CSGALNACT1: variants seen among roughly 807,000 people sequenced by gnomAD.
The protein encoded by CSGALNACT1 is beta4GalNAcT-1.
Under a neutral mutation model 51.0 loss-of-function variants are expected in CSGALNACT1, and 52 were observed. That is an observed-to-expected ratio of 1.02 (90% confidence interval 0.82 to 1.29). The LOEUF (loss-of-function observed/expected upper bound fraction) is 1.29. Among genes scored for constraint, CSGALNACT1 ranks in the 50% most tolerant of loss-of-function variants. The pLI, the probability that CSGALNACT1 is intolerant of heterozygous loss-of-function variation, is 0.00. For missense variants in CSGALNACT1, 935 were observed against 679.2 expected, an observed-to-expected ratio of 1.38 and a Z score of -4.19; for synonymous variants, 341 against 254.4, an observed-to-expected ratio of 1.34 and a Z score of -3.24.
chr8:19,651,241 G>GT (rs1012950725), intron 1 of CSGALNACT1, among the ~76,000 whole-genome samples: 9 of 151,882 alleles, frequency 5.9e-5, no homozygotes, highest in Middle Eastern at 3.4e-3. Flanking sequence ...TACCTTTCCT[G>GT]TTTTTTTTCA....
At chr8:19,564,883 G>T (rs2975450) in intron 3 of CSGALNACT1, among the ~76,000 whole-genome samples, 1 of 152,148 alleles carries the variant, frequency 6.6e-6, no homozygotes, top group Admixed American at 6.5e-5. Context: ...CAAGCTCCTA[G>T]AACAGTGCCA....
At chr8:19,413,701 T>C (rs2056334262) in intron 8 of CSGALNACT1, among the ~76,000 whole-genome samples, 2 of 152,194 alleles carry the variant, frequency 1.3e-5, no homozygotes, top group Non-Finnish European at 2.9e-5. Flanking sequence ...CAGCATGCTA[T>C]GCACACACTG....
At chr8:19,532,513 C>T (rs2082968264) in intron 3 of CSGALNACT1, among the ~76,000 whole-genome samples, 1 of 152,176 alleles carries the variant, frequency 6.6e-6, no homozygotes, top group Admixed American at 6.5e-5. Flanking sequence ...CCAGTCTTCC[C>T]ACTCCAAATC....
intron 6 of CSGALNACT1, among the ~76,000 whole-genome samples, chr8:19,437,244 G>A (rs1218750350): frequency 2.0e-5 from 3 of 152,104 alleles, no homozygotes; most frequent in African/African-American, 7.2e-5. Flanking sequence ...GGGGGTTGAG[G>A]TTTGAATTAA....
At chr8:19,658,394 T>G (rs180870151) in intron 1 of CSGALNACT1, among the ~76,000 whole-genome samples, 3 of 152,280 alleles carry the variant, frequency 2.0e-5, no homozygotes, top group African/African-American at 7.2e-5. Context: ...TTAACTATGT[T>G]TCAAGATAAT....
intron 1 of CSGALNACT1, among the ~76,000 whole-genome samples, chr8:19,738,090 A>T (rs959125313): frequency 1.3e-5 from 2 of 152,220 alleles, no homozygotes; most frequent in Non-Finnish European, 2.9e-5. Context: ...GCCAGGCGCC[A>T]TGGTTTGCAC....
chr8:19,741,679 T>C (rs1397678072), intron 1 of CSGALNACT1, among the ~76,000 whole-genome samples: 2 of 152,220 alleles, frequency 1.3e-5, no homozygotes, highest in Non-Finnish European at 1.5e-5. Context: ...TAAAGGCTTC[T>C]GAATTCTTTT....
At chr8:19,505,466 G>A (rs1428443209) in exon 4 of CSGALNACT1, 2 of 1,614,200 alleles carry the variant, frequency 1.2e-6, no homozygotes, top group Non-Finnish European at 1.7e-6. Context: ...GCGAGTGCAG[G>A]AAGGCCAGGA....
At chr8:19,465,763 T>C (rs1389298891) in intron 4 of CSGALNACT1, among the ~76,000 whole-genome samples, 2 of 152,174 alleles carry the variant, frequency 1.3e-5, no homozygotes, top group Non-Finnish European at 2.9e-5. Context: ...CTGTCCAGGC[T>C]TACCATTTCA....
At position 19,505,457 on chromosome 8, in the gene CSGALNACT1, C is replaced by T. The variant is rs559889647; in HGVS notation, c.378G>A (p.Ser126=). The T allele has an allele frequency of 1.2e-5, 19 of 1,614,194 alleles. No individual in the cohort carries two copies. The highest frequency in any genetic ancestry group is 6.7e-5 in the African/African-American group (5 of 75,042). ...CATTCACCTCTGCCTTGTCCACCTGCGAGTGCAGGAAGGCCAGGAGGTCGG... is the reference window on the plus strand; with the variant it reads ...CATTCACCTCTGCCTTGTCCACCTGTGAGTGCAGGAAGGCCAGGAGGTCGG... The change falls in exon 4 of 10, where the codon TCG becomes TCA. Residue 126 remains serine, a synonymous_variant. Coordinates refer to ENST00000454498, the Ensembl canonical transcript of CSGALNACT1.
chr8:19,753,615 C>T (rs76205677), intron 1 of CSGALNACT1, among the ~76,000 whole-genome samples: 32,366 of 152,072 alleles, frequency 0.21, 3,557 homozygotes, highest in African/African-American at 0.24. Flanking sequence ...CTTCAGAAAT[C>T]CTACTACCTC....
chr8:19,561,150 G>C (rs751276534), intron 3 of CSGALNACT1, among the ~76,000 whole-genome samples: 3 of 152,108 alleles, frequency 2.0e-5, no homozygotes, highest in African/African-American at 4.8e-5. Context: ...AAAATGAGAA[G>C]ACTAGGTGTC....
intron 3 of CSGALNACT1, among the ~76,000 whole-genome samples, chr8:19,543,469 T>C (rs573479649): frequency 5.3e-5 from 8 of 152,320 alleles, no homozygotes; most frequent in African/African-American, 1.9e-4. Context: ...CTAGACTGTT[T>C]GTAGAAACTG....
intron 2 of CSGALNACT1, among the ~76,000 whole-genome samples, chr8:19,591,827 G>T (rs952405924): frequency 7.9e-5 from 12 of 152,048 alleles, no homozygotes; most frequent in African/African-American, 2.9e-4. Flanking sequence ...TAGTTTTAGG[G>T]AGAAAATGTA....
At chr8:19,445,901 G>A (rs1226471110) in intron 5 of CSGALNACT1, among the ~76,000 whole-genome samples, 3 of 152,264 alleles carry the variant, frequency 2.0e-5, no homozygotes, top group East Asian at 1.9e-4. Context: ...TAAGCTGGGC[G>A]TGGTGGCTCA....
chr8:19,474,124 G>C (rs538429921), intron 4 of CSGALNACT1, among the ~76,000 whole-genome samples: 1 of 152,096 alleles, frequency 6.6e-6, no homozygotes, highest in Admixed American at 6.5e-5. Context: ...TGGAGCTTCT[G>C]ATGAGAGATA....
intron 1 of CSGALNACT1, among the ~76,000 whole-genome samples, chr8:19,625,779 A>G (rs1438822356): frequency 1.3e-5 from 2 of 152,214 alleles, no homozygotes; most frequent in Non-Finnish European, 2.9e-5. Flanking sequence ...AAAATCCTAC[A>G]GAACAAGGAG....
At chr8:19,720,206 C>A (rs1166461229) in intron 1 of CSGALNACT1, among the ~76,000 whole-genome samples, 1 of 152,206 alleles carries the variant, frequency 6.6e-6, no homozygotes, top group African/African-American at 2.4e-5. Flanking sequence ...GCAATTCATG[C>A]CAGCATTTTA....
chr8:19,734,741 T>C (rs529208973), intron 1 of CSGALNACT1, among the ~76,000 whole-genome samples: 1 of 152,244 alleles, frequency 6.6e-6, no homozygotes, highest in South Asian at 2.1e-4. Flanking sequence ...GCCAGTAATA[T>C]GGCAGACCGG....
Sources: allele counts gnomAD v4.1 joint callset (sites outside exome capture counted in the v4.1 genomes callset), GRCh38; gene constraint gnomAD v4.1.1; transcripts MANE v1.5; gene names NCBI Gene and HGNC (gene_info 2026-07-23, HGNC 2026-07-21).